Variants in STMP1 observed in about 807,000 individuals in gnomAD.
STMP1 encodes the protein short transmembrane mitochondrial protein 1.
A neutral mutation model predicts 7.0 loss-of-function variants in STMP1; 7 were observed. That is an observed-to-expected ratio of 1.01 (90% confidence interval 0.57 to 1.89). STMP1 has a LOEUF of 1.89. Among genes scored for constraint, STMP1 ranks in the 40% most tolerant of loss-of-function variants. The pLI, the probability that STMP1 is intolerant of heterozygous loss-of-function variation, is 0.00. For missense variants in STMP1, 45 were observed against 53.0 expected (o/e 0.85, Z 0.47); for synonymous variants, 19 against 18.4 (o/e 1.03, Z -0.08).
intron 1 of STMP1, 103 bp downstream of exon 1, chr7:135,662,697 GGTCCAGCGGTCCCTTC>G: frequency 3.0e-6 from 4 of 1,345,600 alleles, no homozygotes; most frequent in Non-Finnish European, 3.0e-6. Flanking sequence ...CCTGGGCGTG[GGTCCAGCGGTCCCTTC>G]GTCCCCCGCG....
intron 1 of STMP1, 89 bp from the exon 2 acceptor site, chr7:135,672,664 A>C: frequency 3.1e-6 from 3 of 954,600 alleles, no homozygotes; most frequent in Non-Finnish European, 4.9e-6. Flanking sequence ...TAAGCTTCTT[A>C]GGAAGATATT....
chr7:135,668,010 A>G (rs929355705), intron 1 of STMP1, among the ~76,000 whole-genome samples: 2 of 152,120 alleles, frequency 1.3e-5, no homozygotes, highest in African/African-American at 2.4e-5. Context: ...TGGATATCCC[A>G]TTGTCCCAGC....
intron 1 of STMP1, among the ~76,000 whole-genome samples, chr7:135,665,340 C>T (rs566766925): frequency 1.3e-5 from 2 of 152,326 alleles, no homozygotes; most frequent in African/African-American, 4.8e-5. Flanking sequence ...TAACGTCCTT[C>T]CATTATTCAT....
intron 2 of STMP1, among the ~76,000 whole-genome samples, chr7:135,673,799 G>A (rs772904352): frequency 1.3e-5 from 2 of 152,058 alleles, no homozygotes; most frequent in Non-Finnish European, 2.9e-5. Context: ...ATTAGCCAGG[G>A]GTGGTGGCAT....
At chr7:135,672,699 A>C in intron 1 of STMP1, 54 bp from the exon 2 acceptor site, 1 of 1,338,666 alleles carries the variant, frequency 7.5e-7, no homozygotes, top group Non-Finnish European at 1.0e-6. Context: ...GTTTGGAATC[A>C]GACTGGCACA....
chr7:135,673,499 G>A (rs1249201788), intron 2 of STMP1, among the ~76,000 whole-genome samples: 1 of 151,772 alleles, frequency 6.6e-6, no homozygotes, highest in South Asian at 2.1e-4. Flanking sequence ...GCTACATTAT[G>A]TCACATTTAT....
chr7:135,671,934 G>C (rs1795360626), intron 1 of STMP1, among the ~76,000 whole-genome samples: 1 of 152,202 alleles, frequency 6.6e-6, no homozygotes, highest in South Asian at 2.1e-4. Flanking sequence ...ATTGTAAACT[G>C]TGAAGAGTCC....
intron 1 of STMP1, among the ~76,000 whole-genome samples, chr7:135,663,801 A>G (rs1795262647): frequency 6.6e-6 from 1 of 152,114 alleles, no homozygotes; most frequent in South Asian, 2.1e-4. Flanking sequence ...GCGCGCCAGC[A>G]GGCCCAGTTA....
intron 1 of STMP1, among the ~76,000 whole-genome samples, chr7:135,666,337 A>G (rs539618122): frequency 2.0e-5 from 3 of 149,244 alleles, no homozygotes; most frequent in Non-Finnish European, 4.5e-5. Context: ...AAACCTTTAC[A>G]CTATTATGTC....
At position 135,662,542 on chromosome 7, in the gene STMP1, C is replaced by G. The variant is rs752928620; in HGVS notation, c.-38C>G. On this transcript the variant is annotated 5_prime_UTR_variant, in exon 1 of 3. Coordinates refer to ENST00000507606, the MANE Select transcript of STMP1 (RefSeq NM_001130929.2). ...CTCGGACCGGCCCGCGGAGCTGCTG[C>G]AGTCCTTCGCGCCCTCCTCGCCCTC... 4.5e-6 allele frequency: 7 copies of G among 1,544,268 alleles called. No homozygotes were observed. In the South Asian group the frequency reaches 8.4e-5, roughly 18 times the overall value.
At chr7:135,662,635 C>G in intron 1 of STMP1, 41 bp downstream of exon 1, 1 of 1,541,336 alleles carries the variant, frequency 6.5e-7, no homozygotes, top group East Asian at 2.6e-5. Flanking sequence ...CTGCCTGGGG[C>G]GTGCCTCGGA....
chr7:135,669,221 G>A lies in STMP1; in HGVS notation c.16-3532G>A, dbSNP rs543243549. The stretch of plus-strand genomic sequence containing the variant: ...GGAATTCAAGATGAGATTTGGGTGG[G>A]AACACAGCCAAACCGTATCACCAGT... On this transcript the variant is annotated intron_variant, in intron 1 of 2. Coordinates refer to ENST00000507606, the MANE Select transcript of STMP1 (RefSeq NM_001130929.2). Among the ~76,000 whole-genome samples, 4 of 152,356 alleles carry A rather than the reference G, an allele frequency of 2.6e-5. No homozygotes were observed. The East Asian group carries it at 7.7e-4, about 29-fold the overall frequency.
chr7:135,662,872 C>T (rs976431542), intron 1 of STMP1, among the ~76,000 whole-genome samples: 2 of 152,244 alleles, frequency 1.3e-5, no homozygotes, highest in African/African-American at 4.8e-5. Context: ...GTGCCGCGCC[C>T]CGCGCTCATT....
Position 135,674,268 on chromosome 7 carries a change from C to A in STMP1, c.*103C>A. The A allele has an allele frequency of 1.1e-6, 1 of 911,508 alleles. No individual in the cohort carries two copies. The highest frequency in any genetic ancestry group is 1.7e-5 in the South Asian group (1 of 58,242). The allele number at this position is 911,508 out of a possible 1,614,324, so 56.5% of individuals were successfully genotyped here. A position where few individuals can be genotyped will look rare whatever the true frequency, so the allele number is the denominator to read the frequency against. ...CTTTTGTTTTCGTCTCCAGCCTCAG[C>A]ACTTCTCTTCTTTGCTAGACCCTGT... On this transcript the variant is annotated 3_prime_UTR_variant, in exon 3 of 3. Coordinates refer to ENST00000507606, the MANE Select transcript of STMP1 (RefSeq NM_001130929.2).
At position 135,675,577 on chromosome 7, in the gene STMP1, C is replaced by T. The variant is rs1795405096; in HGVS notation, c.*1412C>T. On this transcript the variant is annotated 3_prime_UTR_variant, in exon 3 of 3. Coordinates refer to ENST00000507606, the MANE Select transcript of STMP1 (RefSeq NM_001130929.2). ...TTAAGCATATCGATTCAGGGTATAG[C>T]TATAAGATGAAGTCCTAAAAGTATA... 6.6e-6 allele frequency: 1 copy of T among 152,138 alleles called. No individual in the cohort carries two copies. The allele number at this position is 152,138 out of a possible 1,614,324, so 9.4% of individuals were successfully genotyped here.
chr7:135,668,444 C>A (rs1795318703), intron 1 of STMP1, among the ~76,000 whole-genome samples: 1 of 152,064 alleles, frequency 6.6e-6, no homozygotes, highest in South Asian at 2.1e-4. Flanking sequence ...CCTCTGATGC[C>A]CAGGCTGGAG....
intron 1 of STMP1, among the ~76,000 whole-genome samples, chr7:135,668,769 T>C (rs1452741653): frequency 6.6e-6 from 1 of 152,130 alleles, no homozygotes; most frequent in African/African-American, 2.4e-5. Flanking sequence ...TTCTCTCCAT[T>C]CTTTAACTCA....
chr7:135,673,674 C>A (rs904161037), intron 2 of STMP1, among the ~76,000 whole-genome samples: 9 of 152,202 alleles, frequency 5.9e-5, no homozygotes, highest in Non-Finnish European at 1.0e-4. Flanking sequence ...TGCAGTGGCT[C>A]ACGCCTGTAA....
At chr7:135,668,007 C>A (rs1452394024) in intron 1 of STMP1, among the ~76,000 whole-genome samples, 1 of 152,076 alleles carries the variant, frequency 6.6e-6, no homozygotes, top group Non-Finnish European at 1.5e-5. Flanking sequence ...ATGTGGATAT[C>A]CCATTGTCCC....
Sources: allele counts gnomAD v4.1 joint callset (sites outside exome capture counted in the v4.1 genomes callset), GRCh38; gene constraint gnomAD v4.1.1; transcripts MANE v1.5; gene names NCBI Gene and HGNC (gene_info 2026-07-23, HGNC 2026-07-21).